Variants in CIDEA observed in about 807,000 individuals in gnomAD.
CIDEA encodes cell death inducing DFFA like effector a, also known as lipid transferase CIDEA.
Under a neutral mutation model 18.2 loss-of-function variants are expected in CIDEA, and 10 were observed. That is an observed-to-expected ratio of 0.55 (90% CI 0.34 to 0.93). The LOEUF is 0.93. Among genes scored for constraint, CIDEA ranks in the 40% least tolerant of loss-of-function variants. CIDEA has a pLI of 0.02. For synonymous variants in CIDEA, 128 were observed against 124.8 expected, an observed-to-expected ratio of 1.03 and a Z score of -0.17; for missense variants, 309 against 293.1, an observed-to-expected ratio of 1.05 and a Z score of -0.40.
At chr18:12,265,211 G>C (rs1297056688) in intron 3 of CIDEA, among the ~76,000 whole-genome samples, 1 of 152,228 alleles carries the variant, frequency 6.6e-6, no homozygotes, top group Non-Finnish European at 1.5e-5. Context: ...AGATGATATA[G>C]CCCAAAAAAC....
intron 4 of CIDEA, among the ~76,000 whole-genome samples, chr18:12,276,921 T>C (rs1177813880): frequency 6.6e-6 from 1 of 152,202 alleles, no homozygotes; most frequent in Non-Finnish European, 1.5e-5. Context: ...GACCTGCTCC[T>C]GGCCAGACCC....
chr18:12,262,861 C>G lies in CIDEA; in HGVS notation c.75C>G (p.Val25=). 6.2e-7 allele frequency: 1 copy of G among 1,614,174 alleles called. No homozygotes were observed. Among genetic ancestry groups the G allele is most frequent in the Non-Finnish European group, 8.5e-7 (1 of 1,180,030 alleles). Residue 25 remains valine, a synonymous_variant, in exon 2 of 5, where the codon GTC becomes GTG. Coordinates refer to ENST00000320477, the MANE Select transcript of CIDEA (RefSeq NM_001279.4). ...TTATGGGATCACAGACTAAGCGAGT[C>G]CTGTTCACCCCGCTCATGCATCCAG... ...LTFMGSQTKR[V]LFTPLMHPAR... is the part of the protein sequence containing the mutation.
chr18:12,262,785 A>T (rs1033625613), intron 1 of CIDEA, 40 bp from the exon 2 acceptor site: 1 of 1,582,114 alleles, frequency 6.3e-7, no homozygotes, highest in Middle Eastern at 1.7e-4. Flanking sequence ...CTTCTGACAG[A>T]CTCTTTTTAA....
intron 4 of CIDEA, among the ~76,000 whole-genome samples, chr18:12,275,180 G>A (rs1905290476): frequency 6.6e-6 from 1 of 152,162 alleles, no homozygotes; most frequent in Non-Finnish European, 1.5e-5. Flanking sequence ...AAAATTAGCT[G>A]GGCGTGGTGG....
chr18:12,264,293 T>C lies in CIDEA; in HGVS notation c.184-14T>C. 1 of 1,576,892 alleles carries C rather than the reference T, an allele frequency of 6.3e-7. No individual in the cohort carries two copies. The highest frequency in any genetic ancestry group is 8.6e-7 in the Non-Finnish European group (1 of 1,163,822). On this transcript the variant is annotated splice_polypyrimidine_tract_variant and intron_variant, in intron 2 of 4. Transcript: ENST00000320477. ...CTGGCTTCACTCCATTTCTCTGATG[T>C]GTTGCACACCTAGACTCTGGATGCC...
At position 12,274,265 on chromosome 18, in the gene CIDEA, G is replaced by C; in HGVS notation, c.503G>C (p.Gly168Ala). Reference sequence around the variant, plus strand: ...GACATCCGGTGCACGGGACTCAAGGGCCTGCTGAGGTAACACACTCCAGGG... The same window carrying C: ...GACATCCGGTGCACGGGACTCAAGGCCCTGCTGAGGTAACACACTCCAGGG... ...SYDIRCTGLK[G>A]LLRSLLRFLS... The change falls in exon 4 of 5, where the codon GGC (glycine) becomes GCC (alanine). Residue 168 changes from glycine (G) to alanine (A), a missense_variant. Coordinates refer to ENST00000320477, the MANE Select transcript of CIDEA (RefSeq NM_001279.4). 2 of 1,614,144 alleles carry C rather than the reference G, an allele frequency of 1.2e-6. No individual in the cohort carries two copies. The highest frequency in any genetic ancestry group is 8.5e-7 in the Non-Finnish European group (1 of 1,180,016).
Position 12,274,290 on chromosome 18 carries a change from G to A in CIDEA, c.512+16G>A. 6.2e-7 allele frequency: 1 copy of A among 1,612,950 alleles called. No individual in the cohort carries two copies. Among genetic ancestry groups the A allele is most frequent in the South Asian group, 1.1e-5 (1 of 91,012 alleles). On this transcript the variant is annotated intron_variant, in intron 4 of 4. Coordinates refer to ENST00000320477, the MANE Select transcript of CIDEA (RefSeq NM_001279.4). ...GCCTGCTGAGGTAACACACTCCAGG[G>A]GTCACCTCCGGGGGTCTGCAGACTG...
intron 3 of CIDEA, among the ~76,000 whole-genome samples, chr18:12,271,096 G>T (rs969817993): frequency 2.0e-5 from 3 of 151,744 alleles, no homozygotes; most frequent in African/African-American, 7.3e-5. Flanking sequence ...ACGGGGTTTC[G>T]CCATGTTGGC....
intron 3 of CIDEA, among the ~76,000 whole-genome samples, chr18:12,271,438 C>T (rs1912527947): frequency 6.6e-6 from 1 of 152,236 alleles, no homozygotes. Flanking sequence ...GGGCCTGCCC[C>T]GCAGCCCCCA....
In CIDEA at chr18:12,277,320, C is replaced by T. The variant is rs1304056163; in HGVS notation, c.*50C>T. 6.2e-7 allele frequency: 1 copy of T among 1,602,180 alleles called. No homozygotes were observed. Among genetic ancestry groups the T allele is most frequent in the East Asian group, 2.2e-5 (1 of 44,774 alleles). Reference sequence around the variant, plus strand: ...GAGCCAAACACTGTGTTTCGTTTGGCTCAATGACGAATGTTGAAGATGCTT... The same window carrying T: ...GAGCCAAACACTGTGTTTCGTTTGGTTCAATGACGAATGTTGAAGATGCTT... On this transcript the variant is annotated 3_prime_UTR_variant, in exon 5 of 5. Coordinates refer to ENST00000320477, the MANE Select transcript of CIDEA (RefSeq NM_001279.4).
chr18:12,274,080 C>G lies in CIDEA; in HGVS notation c.331-13C>G, dbSNP rs1167460777. On this transcript the variant is annotated splice_polypyrimidine_tract_variant and intron_variant, in intron 3 of 4. Coordinates refer to ENST00000320477, the MANE Select transcript of CIDEA (RefSeq NM_001279.4). The stretch of plus-strand genomic sequence containing the variant: ...AAGGCTCCTGAAGCCTGCCCCTCCC[C>G]CCATTGTCACAGGGCAGCCAGCACG... 7 of 1,613,954 alleles carry G rather than the reference C, an allele frequency of 4.3e-6. No homozygotes were observed. In the East Asian group the frequency reaches 1.6e-4, roughly 36 times the overall value.
chr18:12,262,858 A>T lies in CIDEA; in HGVS notation c.72A>T (p.Arg24=). 6.2e-7 allele frequency: 1 copy of T among 1,614,200 alleles called. No individual in the cohort carries two copies. The highest frequency in any genetic ancestry group is 8.5e-7 in the Non-Finnish European group (1 of 1,180,030). ...PLTFMGSQTK[R]VLFTPLMHPA... ...CATTTATGGGATCACAGACTAAGCG[A>T]GTCCTGTTCACCCCGCTCATGCATC... is the stretch of plus-strand genomic sequence containing the variant. Residue 24 remains arginine (R), a synonymous_variant, in exon 2 of 5, where the codon CGA becomes CGT. Transcript: ENST00000320477.
intron 2 of CIDEA, 33 bp downstream of exon 2, chr18:12,263,002 A>C: frequency 6.2e-7 from 1 of 1,609,938 alleles, no homozygotes; most frequent in Non-Finnish European, 8.5e-7. Context: ...CCCCCAGTCC[A>C]CAGGGGTGCC....
chr18:12,259,048 C>T (rs1912117150), intron 1 of CIDEA, among the ~76,000 whole-genome samples: 1 of 152,234 alleles, frequency 6.6e-6, no homozygotes, highest in African/African-American at 2.4e-5. Context: ...AACCCTGCGT[C>T]ACTCTCTTAA....
At chr18:12,267,139 C>G (rs1181949346) in intron 3 of CIDEA, among the ~76,000 whole-genome samples, 4 of 151,924 alleles carry the variant, frequency 2.6e-5, no homozygotes, top group African/African-American at 9.7e-5. Flanking sequence ...TTTGCTTCAT[C>G]TCAGAGAGTG....
Position 12,277,450 on chromosome 18 carries a change from C to A in CIDEA, c.*180C>A. ...TGGTACATGAAGTGGGGGCAGTGGG[C>A]AGGGTGCCCTGGGGGGGAGGCATAG... On this transcript the variant is annotated 3_prime_UTR_variant, in exon 5 of 5. Coordinates refer to ENST00000320477, the MANE Select transcript of CIDEA (RefSeq NM_001279.4). The A allele has an allele frequency of 3.0e-6, 2 of 667,924 alleles. No individual in the cohort carries two copies. The highest frequency in any genetic ancestry group is 4.8e-6 in the Non-Finnish European group (2 of 419,758). 41.4% of individuals were successfully genotyped at this position (667,924 alleles called of 1,614,324 possible).
At chr18:12,273,487 CCTCCTCCCACCCAGGGGGGT>C (rs1912607679) in intron 3 of CIDEA, among the ~76,000 whole-genome samples, 1 of 152,116 alleles carries the variant, frequency 6.6e-6, no homozygotes, top group Non-Finnish European at 1.5e-5. Flanking sequence ...TCACTGACTT[CCTCCTCCCACCCAGGGGGGT>C]CTCCTCCCAC....
chr18:12,261,884 G>GT (rs1356811054), intron 1 of CIDEA, among the ~76,000 whole-genome samples: 1 of 150,920 alleles, frequency 6.6e-6, no homozygotes, highest in Non-Finnish European at 1.5e-5. Flanking sequence ...TGCCCAGCAG[G>GT]TTTTGCATTT....
intron 1 of CIDEA, 109 bp downstream of exon 1, chr18:12,254,530 C>T (rs944884012): frequency 5.2e-6 from 8 of 1,535,898 alleles, no homozygotes; most frequent in Non-Finnish European, 6.1e-6. Flanking sequence ...CCCTTCAGCC[C>T]CCTGCTCCCC....
Sources: allele counts gnomAD v4.1 joint callset (sites outside exome capture counted in the v4.1 genomes callset), GRCh38; gene constraint gnomAD v4.1.1; transcripts MANE v1.5; gene names NCBI Gene and HGNC (gene_info 2026-07-23, HGNC 2026-07-21).